The following BCO1 variants were observed in gnomAD, a reference collection of about 807,000 sequenced individuals.
BCO1 encodes the protein beta,beta-carotene 15,15'-dioxygenase.
In BCO1, 54 loss-of-function variants were observed where a neutral mutation model predicts 56.3. The observed-to-expected ratio is 0.96, with a 90% CI of 0.77 to 1.20. The LOEUF (loss-of-function observed/expected upper bound fraction) is 1.20. Among genes scored for constraint, BCO1 ranks in the 50% most tolerant of loss-of-function variants. The pLI, the probability that BCO1 is intolerant of heterozygous loss-of-function variation, is 0.00. For missense variants in BCO1, 801 were observed against 690.9 expected, an observed-to-expected ratio of 1.16 and a Z score of -1.79; for synonymous variants, 318 against 266.1, an observed-to-expected ratio of 1.20 and a Z score of -1.90.
At chr16:81,239,852 T>C (rs997752383) in intron 1 of BCO1, among the ~76,000 whole-genome samples, 2 of 152,134 alleles carry the variant, frequency 1.3e-5, no homozygotes, top group African/African-American at 4.8e-5. Context: ...CCATTTCGAC[T>C]CTAAAGGGCA....
At chr16:81,258,478 T>C (rs9939994) in intron 2 of BCO1, among the ~76,000 whole-genome samples, 33,564 of 152,096 alleles carry the variant, frequency 0.22, 4,102 homozygotes, top group Middle Eastern at 0.34. Context: ...ACTGAAGTGA[T>C]CAACTGGGCT....
chr16:81,242,217 T>TG (rs1905159529), intron 1 of BCO1, among the ~76,000 whole-genome samples: 1 of 120,372 alleles, frequency 8.3e-6, no homozygotes, highest in East Asian at 2.5e-4. Flanking sequence ...TTTTTTTTTT[T>TG]GAGGCGGAGT....
chr16:81,271,944 G>A (rs1209721024), intron 7 of BCO1, among the ~76,000 whole-genome samples: 4 of 151,816 alleles, frequency 2.6e-5, no homozygotes, highest in East Asian at 1.9e-4. Context: ...GTGAAGTTTC[G>A]CCATGTTGCC....
chr16:81,249,712 A>G (rs369529541), intron 2 of BCO1, among the ~76,000 whole-genome samples: 38 of 152,148 alleles, frequency 2.5e-4, no homozygotes, highest in Admixed American at 2.0e-4. Flanking sequence ...AGTCAGTTTT[A>G]TTCACAATCT....
At chr16:81,271,025 T>A (rs1048514945) in intron 7 of BCO1, among the ~76,000 whole-genome samples, 10 of 152,172 alleles carry the variant, frequency 6.6e-5, no homozygotes, top group Non-Finnish European at 7.3e-5. Flanking sequence ...ATTACAGGCG[T>A]GAGCCACTGC....
intron 1 of BCO1, among the ~76,000 whole-genome samples, chr16:81,240,631 G>A (rs78353953): frequency 0.061 from 9,256 of 151,674 alleles, 521 homozygotes; most frequent in East Asian, 0.27. Context: ...CTTGAACCCC[G>A]GAGGCAGAGG....
chr16:81,283,891 T>C (rs1036878805), intron 8 of BCO1, among the ~76,000 whole-genome samples: 5 of 151,546 alleles, frequency 3.3e-5, no homozygotes, highest in African/African-American at 4.8e-5. Context: ...TATATACATA[T>C]ATACACATTT....
At chr16:81,257,104 AG>A (rs1476829765) in intron 2 of BCO1, among the ~76,000 whole-genome samples, 1 of 152,084 alleles carries the variant, frequency 6.6e-6, no homozygotes, top group Non-Finnish European at 1.5e-5. Context: ...CTCTCTCCCC[AG>A]CATATTGCAG....
intron 8 of BCO1, among the ~76,000 whole-genome samples, chr16:81,283,773 A>C (rs989173009): frequency 6.6e-6 from 1 of 152,002 alleles, no homozygotes. Flanking sequence ...CTTTTCTTGG[A>C]CATTATATCT....
Position 81,256,091 on chromosome 16 carries a change from C to T in BCO1, c.194-3585C>T, listed in dbSNP as rs547393270. 4.6e-5 allele frequency among the ~76,000 whole-genome samples: 7 copies of T among 151,932 alleles called. No homozygotes were observed. The South Asian group carries it at 1.5e-3, about 32-fold the overall frequency. On this transcript the variant is annotated intron_variant, in intron 2 of 10. Transcript: ENST00000258168. The stretch of plus-strand genomic sequence containing the variant: ...TCTACCTCCCAAATTGCTAGGATTA[C>T]AGGCATGAGGCACTGCGCATGGCCG...
chr16:81,264,410 C>G (rs922489231), intron 4 of BCO1, among the ~76,000 whole-genome samples: 3 of 152,124 alleles, frequency 2.0e-5, no homozygotes, highest in African/African-American at 7.2e-5. Context: ...CCCTCAAATC[C>G]CCATGTGAGG....
chr16:81,277,269 G>C (rs903943687), intron 7 of BCO1, among the ~76,000 whole-genome samples: 2 of 151,854 alleles, frequency 1.3e-5, no homozygotes, highest in Non-Finnish European at 2.9e-5. Flanking sequence ...TCTCCTCCTG[G>C]CTCCTGTGAA....
At chr16:81,239,740 G>C (rs1487028770) in intron 1 of BCO1, among the ~76,000 whole-genome samples, 1 of 152,200 alleles carries the variant, frequency 6.6e-6, no homozygotes, top group Non-Finnish European at 1.5e-5. Context: ...AGCTCCTGCA[G>C]AGCCTATAGG....
chr16:81,280,977 CTT>C lies in BCO1; in HGVS notation c.1207+16_1207+17del, dbSNP rs769151190. On this transcript the variant is annotated intron_variant, in intron 8 of 10. Coordinates refer to ENST00000258168, the MANE Select transcript of BCO1 (RefSeq NM_017429.3). ...TCTTTATGAAGGTAAAATGCATCCT[CTT>C]GTCCTGAGTTTAGGAAAGGGGCAGA... The C allele has an allele frequency of 2.5e-6, 4 of 1,588,454 alleles. No homozygotes were observed. In the Admixed American group the frequency reaches 5.0e-5, roughly 20 times the overall value.
chr16:81,285,404 T>A (rs919125780), intron 8 of BCO1, 136 bp from the exon 9 acceptor site: 7 of 717,866 alleles, frequency 9.8e-6, no homozygotes, highest in Non-Finnish European at 1.8e-5. Context: ...TTTGATCCAA[T>A]GCAGGCTCTA....
rs190779188 is a variant in BCO1, at chr16:81,287,224, C to T, written c.1303-71C>T. 4.0e-4 allele frequency: 455 copies of T among 1,127,576 alleles called. 2 individuals are homozygous for T. The East Asian group carries it at 8.4e-3, about 21-fold the overall frequency. 69.8% of individuals were successfully genotyped at this position (1,127,576 alleles called of 1,614,324 possible). A position where few individuals can be genotyped will look rare whatever the true frequency, so the allele number is the denominator to read the frequency against. ...CATCTCCTCTGTGTGGATCTTCATG[C>T]ACTCCTATTTGCAGAGAATAGTATT... On this transcript the variant is annotated intron_variant, in intron 9 of 10. Transcript: ENST00000258168.
intron 7 of BCO1, among the ~76,000 whole-genome samples, chr16:81,275,098 C>A (rs1387353751): frequency 2.0e-5 from 3 of 152,220 alleles, no homozygotes; most frequent in East Asian, 3.8e-4. Context: ...GTGGACAGAG[C>A]CTTACATGCC....
intron 2 of BCO1, among the ~76,000 whole-genome samples, chr16:81,254,011 C>A (rs920652148): frequency 2.0e-5 from 3 of 152,098 alleles, no homozygotes; most frequent in Non-Finnish European, 4.4e-5. Flanking sequence ...ACAGTAACCA[C>A]CCCTGAAAAG....
Position 81,245,885 on chromosome 16 carries a change from G to A in BCO1, c.193+282G>A, listed in dbSNP as rs1301018202. ...TTTTTTTTTTTTTTTTCTCTGAGAC[G>A]GAGTTTTGCTCTTGTTGCCCAAGCT... is the stretch of plus-strand genomic sequence containing the variant. On this transcript the variant is annotated intron_variant, in intron 2 of 10. Transcript: ENST00000258168. Among the ~76,000 whole-genome samples the A allele has an allele frequency of 4.9e-5, 5 of 102,294 alleles. No homozygotes were observed. The East Asian group carries it at 9.0e-4, about 18-fold the overall frequency. The allele number at this position is 102,294 out of a possible 152,430, so 67.1% of individuals were successfully genotyped here. A position where few individuals can be genotyped will look rare whatever the true frequency, so the allele number is the denominator to read the frequency against.
Sources: allele counts gnomAD v4.1 joint callset (sites outside exome capture counted in the v4.1 genomes callset), GRCh38; gene constraint gnomAD v4.1.1; transcripts MANE v1.5; gene names NCBI Gene and HGNC (gene_info 2026-07-23, HGNC 2026-07-21).